The following CSGALNACT1 variants were observed in gnomAD, a reference collection of about 807,000 sequenced individuals.
CSGALNACT1 encodes chondroitin sulfate N-acetylgalactosaminyltransferase 1.
In CSGALNACT1, 52 loss-of-function variants were observed where a neutral mutation model predicts 51.0. That is an observed-to-expected ratio of 1.02 (90% CI 0.82 to 1.29). The LOEUF (loss-of-function observed/expected upper bound fraction) is 1.29. Among genes scored for constraint, CSGALNACT1 ranks in the 50% most tolerant of loss-of-function variants. The pLI, the probability that CSGALNACT1 is intolerant of heterozygous loss-of-function variation, is 0.00. For synonymous variants in CSGALNACT1, 341 were observed against 254.4 expected (o/e 1.34, Z -3.24); for missense variants, 935 against 679.2 (o/e 1.38, Z -4.19).
intron 1 of CSGALNACT1, among the ~76,000 whole-genome samples, chr8:19,656,883 T>C (rs754213225): frequency 2.7e-4 from 41 of 151,954 alleles, no homozygotes; most frequent in African/African-American, 6.0e-4. Context: ...CTGGCCAACA[T>C]GGTGAAACCC....
intron 4 of CSGALNACT1, among the ~76,000 whole-genome samples, chr8:19,502,440 T>C (rs548062582): frequency 1.3e-5 from 2 of 152,230 alleles, no homozygotes; most frequent in Non-Finnish European, 2.9e-5. Flanking sequence ...ACAATTAGCC[T>C]GAAGTGTTAC....
intron 9 of CSGALNACT1, among the ~76,000 whole-genome samples, chr8:19,407,128 A>C (rs2054372150): frequency 6.6e-6 from 1 of 152,134 alleles, no homozygotes; most frequent in South Asian, 2.1e-4. Flanking sequence ...CAGGGCACCC[A>C]CCACTCAGAG....
At chr8:19,577,030 A>G (rs951068553) in intron 3 of CSGALNACT1, among the ~76,000 whole-genome samples, 2 of 152,054 alleles carry the variant, frequency 1.3e-5, no homozygotes, top group African/African-American at 2.4e-5. Flanking sequence ...AAGCATGGAA[A>G]CATCCAAACC....
intron 5 of CSGALNACT1, among the ~76,000 whole-genome samples, chr8:19,449,904 A>C (rs928864990): frequency 5.3e-5 from 8 of 151,944 alleles, no homozygotes; most frequent in Admixed American, 4.6e-4. Flanking sequence ...AAGAAAATCT[A>C]TAGCTTTGTT....
intron 4 of CSGALNACT1, among the ~76,000 whole-genome samples, chr8:19,469,937 A>G (rs1385163894): frequency 1.3e-5 from 2 of 152,204 alleles, no homozygotes; most frequent in Non-Finnish European, 2.9e-5. Flanking sequence ...GAGGGAGGGA[A>G]GAAGAAAGGG....
intron 3 of CSGALNACT1, among the ~76,000 whole-genome samples, chr8:19,520,843 T>C (rs1370105570): frequency 6.6e-6 from 1 of 152,202 alleles, no homozygotes; most frequent in Non-Finnish European, 1.5e-5. Context: ...GACAAGGACG[T>C]TGAGACAGAG....
rs563005075 is a variant in CSGALNACT1, at chr8:19,737,483, A to C, written c.-297+20367T>G. The stretch of plus-strand genomic sequence containing the variant: ...AAAAAGAAACATAAATATATTGATT[A>C]GTGGTTAATTGTAGACTTTGTTAAG... On this transcript the variant is annotated intron_variant, in intron 1 of 1. Transcript: ENST00000517494. Among the ~76,000 whole-genome samples, 31 of 152,304 alleles carry C rather than the reference A, an allele frequency of 2.0e-4. 1 individual carries two copies. Among genetic ancestry groups the C allele is most frequent in the Admixed American group, 1.7e-3 (26 of 15,308 alleles).
chr8:19,690,011 T>A (rs1349850514), intron 1 of CSGALNACT1, among the ~76,000 whole-genome samples: 3 of 152,222 alleles, frequency 2.0e-5, no homozygotes, highest in African/African-American at 7.2e-5. Flanking sequence ...TCACTAATCA[T>A]TAAAGCCAAT....
intron 3 of CSGALNACT1, among the ~76,000 whole-genome samples, chr8:19,509,486 G>C (rs1362505657): frequency 6.6e-6 from 1 of 151,880 alleles, no homozygotes; most frequent in Non-Finnish European, 1.5e-5. Flanking sequence ...AGGTATCGTG[G>C]TGCGTGCAGC....
chr8:19,739,820 C>G (rs2064201389), intron 1 of CSGALNACT1, among the ~76,000 whole-genome samples: 1 of 152,184 alleles, frequency 6.6e-6, no homozygotes, highest in Admixed American at 6.5e-5. Flanking sequence ...TCCCAAATTG[C>G]CTACTTCTTG....
chr8:19,570,043 G>A (rs73214629), intron 3 of CSGALNACT1, among the ~76,000 whole-genome samples: 18,684 of 151,856 alleles, frequency 0.12, 1,232 homozygotes, highest in Non-Finnish European at 0.15. Context: ...ATAGTGGCAC[G>A]CTTTGGGGCA....
At chr8:19,505,939 C>T (rs773858789) in exon 4 of CSGALNACT1, 4 of 1,362,392 alleles carry the variant, frequency 2.9e-6, no homozygotes, top group Non-Finnish European at 4.1e-6. Flanking sequence ...GTTTGGGGCC[C>T]CCGGAGCTGC....
chr8:19,654,149 G>A (rs1236420380), intron 1 of CSGALNACT1, among the ~76,000 whole-genome samples: 2 of 152,142 alleles, frequency 1.3e-5, no homozygotes, highest in East Asian at 3.9e-4. Context: ...TCCACATTAT[G>A]ACATCGATGT....
chr8:19,674,248 G>T (rs1214270034), intron 1 of CSGALNACT1, among the ~76,000 whole-genome samples: 2 of 152,130 alleles, frequency 1.3e-5, no homozygotes, highest in South Asian at 4.1e-4. Context: ...AGCTAAGACA[G>T]TGCCACTGCG....
chr8:19,662,619 T>C (rs76845080), intron 1 of CSGALNACT1, among the ~76,000 whole-genome samples: 15,829 of 152,282 alleles, frequency 0.1, 883 homozygotes, highest in African/African-American at 0.12. Context: ...TCCTCTTTGC[T>C]GATAGGAAAC....
chr8:19,608,783 C>T (rs889724998), intron 1 of CSGALNACT1, among the ~76,000 whole-genome samples: 3 of 152,130 alleles, frequency 2.0e-5, no homozygotes, highest in African/African-American at 4.8e-5. Context: ...AGTCATAGGC[C>T]TGGTGACACT....
intron 6 of CSGALNACT1, among the ~76,000 whole-genome samples, chr8:19,421,948 G>A (rs866934769): frequency 6.6e-6 from 1 of 152,090 alleles, no homozygotes; most frequent in African/African-American, 2.4e-5. Flanking sequence ...CTAGAACTGT[G>A]CCTGGGGCCC....
intron 1 of CSGALNACT1, among the ~76,000 whole-genome samples, chr8:19,696,542 C>A (rs2154218565): frequency 6.6e-6 from 1 of 152,286 alleles, no homozygotes; most frequent in South Asian, 2.1e-4. Context: ...GGCTGAAAAA[C>A]CACAGTAGCT....
At chr8:19,657,878 C>A (rs913612777) in intron 1 of CSGALNACT1, among the ~76,000 whole-genome samples, 17 of 151,964 alleles carry the variant, frequency 1.1e-4, no homozygotes, top group Admixed American at 6.6e-4. Context: ...TTGGGCACCC[C>A]CGATGGGGTT....
Sources: allele counts gnomAD v4.1 joint callset (sites outside exome capture counted in the v4.1 genomes callset), GRCh38; gene constraint gnomAD v4.1.1; transcripts MANE v1.5; gene names NCBI Gene and HGNC (gene_info 2026-07-23, HGNC 2026-07-21).